The following DNAI4 variants were observed in gnomAD, a reference collection of about 807,000 sequenced individuals.
DNAI4 encodes dynein axonemal intermediate chain 4, also known as WD repeat domain 78.
Under a neutral mutation model 105.8 loss-of-function variants are expected in DNAI4, and 85 were observed. That is an observed-to-expected ratio of 0.80 (90% CI 0.67 to 0.96). The LOEUF (loss-of-function observed/expected upper bound fraction) is 0.96, where lower values mean the gene tolerates loss of function less well. DNAI4 is among the 40% of genes least tolerant of loss of function. DNAI4 has a pLI of 0.00. For synonymous variants in DNAI4, 352 were observed against 331.5 expected (o/e 1.06, Z -0.67); for missense variants, 1,014 against 1,005.6 (o/e 1.01, Z -0.11).
At chr1:66,880,819 G>T (rs1386778132) in intron 4 of DNAI4, among the ~76,000 whole-genome samples, 1 of 152,208 alleles carries the variant, frequency 6.6e-6, no homozygotes, top group African/African-American at 2.4e-5. Flanking sequence ...TGTCTACAGA[G>T]CATGTCAGAG....
chr1:66,863,553 G>T (rs796319700), intron 6 of DNAI4, among the ~76,000 whole-genome samples: 2 of 152,046 alleles, frequency 1.3e-5, no homozygotes, highest in Non-Finnish European at 2.9e-5. Context: ...ATGTGTCCCG[G>T]GTTCAAGTGA....
At chr1:66,872,767 T>C (rs1646874174) in intron 5 of DNAI4, among the ~76,000 whole-genome samples, 1 of 152,104 alleles carries the variant, frequency 6.6e-6, no homozygotes, top group African/African-American at 2.4e-5. Flanking sequence ...TCTCACTGTG[T>C]TGTCCAGGGT....
intron 1 of DNAI4, among the ~76,000 whole-genome samples, chr1:66,909,487 CT>C (rs564709453): frequency 2.7e-3 from 386 of 143,540 alleles, no homozygotes; most frequent in East Asian, 2.6e-3. Context: ...ATTCTTTTCT[CT>C]TTTTTTTTTT....
Position 66,847,556 on chromosome 1 carries a change from T to TA in DNAI4, c.1218dup (p.Met407TyrfsTer27). ...ATATTTTCCATCAGAACCCGTTCCA[T>TA]AAAAAATAAGTCCTGATGAAATTTG... is the stretch of plus-strand genomic sequence containing the variant. On this transcript the variant is annotated frameshift_variant, in exon 8 of 17. Coordinates refer to ENST00000371026, the MANE Select transcript of DNAI4 (RefSeq NM_024763.5). LOFTEE classifies it high-confidence loss of function. The TA allele has an allele frequency of 6.2e-7, 1 of 1,614,012 alleles. No homozygotes were observed.
intron 8 of DNAI4, among the ~76,000 whole-genome samples, chr1:66,841,117 C>T (rs1446227445): frequency 6.6e-6 from 1 of 152,142 alleles, no homozygotes; most frequent in African/African-American, 2.4e-5. Context: ...GATTTACTTC[C>T]CACACTCTGA....
chr1:66,874,782 T>C lies in DNAI4; in HGVS notation c.799A>G (p.Thr267Ala). 1.2e-5 allele frequency: 19 copies of C among 1,605,280 alleles called. No individual in the cohort carries two copies. Among genetic ancestry groups the C allele is most frequent in the Non-Finnish European group, 1.6e-5 (19 of 1,177,680 alleles). ...TGTAGACAACTGAACCATACATACG[T>C]TACTTTCTCAGCTTCTTCAGATTCT... ...SVESEEAEKVTQRNKNYEVLC... is the reference protein window; with the variant it reads ...SVESEEAEKVAQRNKNYEVLC... The change falls in exon 5 of 17, where the codon ACT (threonine) becomes GCT (alanine). Residue 267 changes from threonine to alanine, a missense_variant and splice_region_variant. Physicochemically the swap from Thr to Ala is moderately conservative, Grantham distance 58 (BLOSUM62 0). Transcript: ENST00000371026.
chr1:66,918,800 T>A (rs917532859), intron 1 of DNAI4, among the ~76,000 whole-genome samples: 5 of 152,274 alleles, frequency 3.3e-5, no homozygotes, highest in South Asian at 2.1e-4. Flanking sequence ...AAGATTTTTT[T>A]AAAAAGAAAT....
intron 2 of DNAI4, among the ~76,000 whole-genome samples, chr1:66,896,102 T>C (rs1648314726): frequency 6.6e-6 from 1 of 152,194 alleles, no homozygotes; most frequent in Non-Finnish European, 1.5e-5. Context: ...CTTTTAGTGT[T>C]CTGTTTTCAT....
At chr1:66,843,400 G>C (rs367930579) in intron 8 of DNAI4, among the ~76,000 whole-genome samples, 1 of 151,942 alleles carries the variant, frequency 6.6e-6, no homozygotes, top group African/African-American at 2.4e-5. Context: ...TTATTGTTGG[G>C]TTTTAAGAGT....
intron 7 of DNAI4, chr1:66,848,370 T>A: frequency 2.5e-6 from 1 of 400,156 alleles, no homozygotes; most frequent in Non-Finnish European, 4.9e-6. Flanking sequence ...CCAATAAGAT[T>A]ATCCAGGATA....
At chr1:66,824,922 G>A (rs1645717115) in intron 15 of DNAI4, among the ~76,000 whole-genome samples, 1 of 152,166 alleles carries the variant, frequency 6.6e-6, no homozygotes, top group African/African-American at 2.4e-5. Context: ...AATTCTACCT[G>A]CAGAATGCCT....
At chr1:66,845,375 G>C (rs1646254787) in intron 8 of DNAI4, among the ~76,000 whole-genome samples, 1 of 152,140 alleles carries the variant, frequency 6.6e-6, no homozygotes, top group African/African-American at 2.4e-5. Flanking sequence ...GTGTTATAAA[G>C]AATGTGGAGC....
chr1:66,829,723 T>C (rs1005941400), intron 13 of DNAI4, among the ~76,000 whole-genome samples: 2 of 152,322 alleles, frequency 1.3e-5, no homozygotes, highest in Admixed American at 6.5e-5. Context: ...TTAACCTGAA[T>C]GACATTTATA....
At chr1:66,815,029 T>C (rs1475556649) in intron 16 of DNAI4, among the ~76,000 whole-genome samples, 1 of 152,184 alleles carries the variant, frequency 6.6e-6, no homozygotes, top group East Asian at 1.9e-4. Context: ...CTCTATCACA[T>C]AGTAAATGTA....
chr1:66,868,786 A>G (rs1646782944), intron 6 of DNAI4, among the ~76,000 whole-genome samples: 2 of 152,006 alleles, frequency 1.3e-5, no homozygotes, highest in Admixed American at 1.3e-4. Context: ...CTAGATATAA[A>G]CTATAAATTG....
chr1:66,833,993 T>G lies in DNAI4; in HGVS notation c.1889A>C (p.Tyr630Ser). The change falls in exon 12 of 17, where the codon TAT becomes TCT. Residue 630 changes from tyrosine to serine, a missense_variant and splice_region_variant. Transcript: ENST00000371026. Reference sequence around the variant, plus strand: ...ATATAACTTGATTTTTCTTTTACCATAACAGTCTAGTCCTTTTCGTATAAC... The same window carrying G: ...ATATAACTTGATTTTTCTTTTACCAGAACAGTCTAGTCCTTTTCGTATAAC... ...KWVIRKGLDC[Y>S]DLMRLKRTTA... The G allele has an allele frequency of 6.3e-7, 1 of 1,586,828 alleles. No individual in the cohort carries two copies. The highest frequency in any genetic ancestry group is 2.2e-5 in the East Asian group (1 of 44,572).
chr1:66,850,746 G>A (rs1013865387), intron 7 of DNAI4, among the ~76,000 whole-genome samples: 2 of 151,928 alleles, frequency 1.3e-5, no homozygotes, highest in Admixed American at 6.5e-5. Context: ...GGGAGGTAAG[G>A]TTTCTACGCT....
chr1:66,860,366 C>CT (rs145528075), intron 7 of DNAI4, among the ~76,000 whole-genome samples: 5 of 151,804 alleles, frequency 3.3e-5, no homozygotes, highest in African/African-American at 1.2e-4. Context: ...CCATATTTAA[C>CT]TTTTTTTTCC....
chr1:66,887,840 T>A (rs1647274376), intron 4 of DNAI4, among the ~76,000 whole-genome samples: 1 of 151,910 alleles, frequency 6.6e-6, no homozygotes, highest in Non-Finnish European at 1.5e-5. Context: ...GCACCTGTAA[T>A]CCCAGCTACT....
Sources: allele counts gnomAD v4.1 joint callset (sites outside exome capture counted in the v4.1 genomes callset), GRCh38; gene constraint gnomAD v4.1.1; transcripts MANE v1.5; gene names NCBI Gene and HGNC (gene_info 2026-07-23, HGNC 2026-07-21).